CYB5B: variants seen among roughly 807,000 people sequenced by gnomAD.
The protein encoded by CYB5B is cytochrome b5 type B, also known as cytochrome b5 type B (outer mitochondrial membrane).
A neutral mutation model predicts 21.3 loss-of-function variants in CYB5B; 14 were observed. The ratio of observed to expected loss-of-function variants is 0.66; its 90% confidence interval spans 0.43 to 1.03. CYB5B has a LOEUF of 1.03. Among genes scored for constraint, CYB5B ranks in the 50% least tolerant of loss-of-function variants. CYB5B has a pLI of 0.00. For synonymous variants in CYB5B, 69 were observed against 68.4 expected (o/e 1.01, Z -0.04); for missense variants, 166 against 185.1 (o/e 0.90, Z 0.60).
intron 1 of CYB5B, among the ~76,000 whole-genome samples, chr16:69,427,150 C>T (rs967894093): frequency 3.8e-4 from 58 of 151,988 alleles, no homozygotes; most frequent in Non-Finnish European, 1.6e-4. Flanking sequence ...GTAGGAGAAT[C>T]GCTTAAACCT....
chr16:69,429,630 A>G (rs2142808470), intron 1 of CYB5B, among the ~76,000 whole-genome samples: 1 of 152,310 alleles, frequency 6.6e-6, no homozygotes, highest in South Asian at 2.1e-4. Context: ...GGCAAGAGAT[A>G]GTGGGTTGTA....
chr16:69,439,725 C>T (rs1044470035), intron 1 of CYB5B, among the ~76,000 whole-genome samples: 1 of 151,818 alleles, frequency 6.6e-6, no homozygotes, highest in Non-Finnish European at 1.5e-5. Context: ...GGCCACCACA[C>T]CCAGCTAATT....
intron 3 of CYB5B, chr16:69,450,270 T>G (rs556886993): frequency 2.6e-5 from 4 of 152,018 alleles, no homozygotes; most frequent in Non-Finnish European, 1.5e-5. Context: ...TTAGATTTTT[T>G]TGTAAGAAAG....
chr16:69,438,658 A>G (rs1331573616), intron 1 of CYB5B, among the ~76,000 whole-genome samples: 1 of 151,850 alleles, frequency 6.6e-6, no homozygotes, highest in Non-Finnish European at 1.5e-5. Flanking sequence ...CATTTCCTGA[A>G]TGACTACTGA....
intron 2 of CYB5B, 80 bp downstream of exon 2, chr16:69,447,358 T>G: frequency 6.5e-7 from 1 of 1,538,608 alleles, no homozygotes; most frequent in Non-Finnish European, 8.8e-7. Flanking sequence ...AAATGAATTA[T>G]TGGCTGGGCG....
At chr16:69,454,336 C>T (rs535551901) in intron 3 of CYB5B, among the ~76,000 whole-genome samples, 14 of 152,252 alleles carry the variant, frequency 9.2e-5, no homozygotes, top group Admixed American at 2.0e-4. Flanking sequence ...ATTATATTCA[C>T]ATCCAGAAAG....
intron 1 of CYB5B, among the ~76,000 whole-genome samples, chr16:69,433,028 C>T (rs1271217258): frequency 6.6e-6 from 1 of 152,072 alleles, no homozygotes; most frequent in Admixed American, 6.6e-5. Flanking sequence ...AAACTACTGA[C>T]CTCAGGTGAT....
intron 1 of CYB5B, among the ~76,000 whole-genome samples, chr16:69,439,196 A>T (rs1056458626): frequency 6.6e-6 from 1 of 152,182 alleles, no homozygotes; most frequent in African/African-American, 2.4e-5. Flanking sequence ...CCAGTTTCCC[A>T]GCATCATTTG....
intron 1 of CYB5B, among the ~76,000 whole-genome samples, chr16:69,430,066 G>A (rs1433405198): frequency 6.6e-6 from 1 of 152,112 alleles, no homozygotes; most frequent in Non-Finnish European, 1.5e-5. Context: ...AATGAAAGTA[G>A]TACATGTCAT....
chr16:69,462,429 G>A lies in CYB5B; in HGVS notation c.363-1G>A, dbSNP rs1409995548. 5.0e-6 allele frequency: 8 copies of A among 1,611,936 alleles called. No individual in the cohort carries two copies. The highest frequency in any genetic ancestry group is 1.7e-5 in the Admixed American group (1 of 60,010). On this transcript the variant is annotated splice_acceptor_variant, in intron 4 of 4. Transcript: ENST00000307892. LOFTEE classifies it high-confidence loss of function. ...TTATTGCTTTCTCCCCCTATTCCTA[G>A]TTGCTGGGCATATTGGATTTTACCC... is the stretch of plus-strand genomic sequence containing the variant.
At chr16:69,459,284 A>T (rs919745442) in intron 4 of CYB5B, 163 bp downstream of exon 4, 3 of 934,438 alleles carry the variant, frequency 3.2e-6, no homozygotes, top group African/African-American at 3.4e-5. Context: ...CATTAGAAAA[A>T]TTAACTTTTA....
chr16:69,460,081 T>C (rs924814034), intron 4 of CYB5B, among the ~76,000 whole-genome samples: 3 of 152,102 alleles, frequency 2.0e-5, no homozygotes, highest in African/African-American at 7.2e-5. Flanking sequence ...AAACCCCATC[T>C]CTGCTAAAAA....
Position 69,452,030 on chromosome 16 carries a change from TTTG to T in CYB5B, c.333+3895_333+3897del, listed in dbSNP as rs776986269. ...CCTGGAGGTAACCAGCCATCATTTT[TTTG>T]TTGTTGTTTACTCTTCCAAAGATTC... On this transcript the variant is annotated intron_variant, in intron 3 of 4. Transcript: ENST00000307892. 2.6e-5 allele frequency among the ~76,000 whole-genome samples: 4 copies of T among 152,176 alleles called. No homozygotes were observed. The East Asian group carries it at 7.7e-4, about 29-fold the overall frequency.
intron 4 of CYB5B, among the ~76,000 whole-genome samples, chr16:69,461,637 G>T (rs2015036810): frequency 1.3e-5 from 2 of 152,188 alleles, no homozygotes; most frequent in African/African-American, 2.4e-5. Context: ...TTCTATTAAA[G>T]AATTATTATG....
chr16:69,446,369 G>T (rs1342508257), intron 1 of CYB5B, among the ~76,000 whole-genome samples: 4 of 152,018 alleles, frequency 2.6e-5, no homozygotes, highest in Non-Finnish European at 5.9e-5. Flanking sequence ...TTTTGCCCAG[G>T]CTGGAGTGCA....
chr16:69,448,193 T>A (rs753541484), intron 3 of CYB5B, 49 bp downstream of exon 3: 1 of 1,588,986 alleles, frequency 6.3e-7, no homozygotes, highest in South Asian at 1.1e-5. Flanking sequence ...TTTACTCAAG[T>A]AGGACTGCTT....
At chr16:69,433,323 TTCC>T (rs2014725507) in intron 1 of CYB5B, among the ~76,000 whole-genome samples, 1 of 152,058 alleles carries the variant, frequency 6.6e-6, no homozygotes, top group Non-Finnish European at 1.5e-5. Flanking sequence ...AAAAGCCACC[TTCC>T]CCTCTGCCCA....
At chr16:69,438,463 C>A (rs2014784051) in intron 1 of CYB5B, among the ~76,000 whole-genome samples, 1 of 152,044 alleles carries the variant, frequency 6.6e-6, no homozygotes, top group Admixed American at 6.6e-5. Context: ...TTTTGAGGAA[C>A]CTCCAAACTG....
At chr16:69,457,385 C>T (rs2014993570) in intron 3 of CYB5B, among the ~76,000 whole-genome samples, 1 of 152,050 alleles carries the variant, frequency 6.6e-6, no homozygotes, top group African/African-American at 2.4e-5. Context: ...CTCATATAAG[C>T]CTTTCAAATT....
Sources: gnomAD v4.1 joint callset for allele counts (sites outside exome capture counted in the v4.1 genomes callset) on GRCh38, gnomAD v4.1.1 for gene constraint, MANE v1.5 for transcripts, NCBI Gene and HGNC (gene_info 2026-07-23, HGNC 2026-07-21) for gene names.